Variants in CXCL13 observed in about 807,000 individuals in gnomAD.
CXCL13 encodes C-X-C motif chemokine ligand 13.
CXCL13 carries 7 observed loss-of-function variants against 12.2 expected under a neutral mutation model. The ratio of observed to expected loss-of-function variants is 0.57; its 90% confidence interval spans 0.33 to 1.07. The LOEUF is 1.07. Among genes scored for constraint, CXCL13 ranks in the 50% least tolerant of loss-of-function variants. CXCL13 has a pLI of 0.04. For synonymous variants in CXCL13, 47 were observed against 42.4 expected (o/e 1.11, Z -0.42); for missense variants, 113 against 127.4 (o/e 0.89, Z 0.55).
At chr4:77,551,775 G>A (rs1029135677) in intron 1 of CXCL13, among the ~76,000 whole-genome samples, 1 of 151,940 alleles carries the variant, frequency 6.6e-6, no homozygotes, top group Non-Finnish European at 1.5e-5. Context: ...CAAAGACTTT[G>A]TTTATTTTTT....
At chr4:77,521,281 A>G (rs1006925340) in intron 1 of CXCL13, among the ~76,000 whole-genome samples, 4 of 152,234 alleles carry the variant, frequency 2.6e-5, no homozygotes, top group African/African-American at 7.2e-5. Flanking sequence ...TAATGATTCC[A>G]GAAGGAATGG....
chr4:77,529,127 C>T (rs984646877), intron 1 of CXCL13, among the ~76,000 whole-genome samples: 3 of 152,134 alleles, frequency 2.0e-5, no homozygotes, highest in Non-Finnish European at 2.9e-5. Flanking sequence ...TGTTCTATTC[C>T]ATTGGTCTAT....
At chr4:77,597,241 G>C (rs568004252) in intron 1 of CXCL13, among the ~76,000 whole-genome samples, 72 of 152,222 alleles carry the variant, frequency 4.7e-4, no homozygotes, top group Non-Finnish European at 9.0e-4. Flanking sequence ...CTGATTATTA[G>C]ATTGAAGCTC....
intron 1 of CXCL13, 24 bp from the exon 2 acceptor site, chr4:77,607,678 TA>T: frequency 3.2e-6 from 5 of 1,584,798 alleles, no homozygotes; most frequent in Middle Eastern, 1.7e-4. Flanking sequence ...TGGATTAAAA[TA>T]ACTGATTCTG....
chr4:77,548,163 G>T (rs1725420139), intron 1 of CXCL13, among the ~76,000 whole-genome samples: 1 of 152,190 alleles, frequency 6.6e-6, no homozygotes, highest in Non-Finnish European at 1.5e-5. Context: ...GATGAAATAT[G>T]CTATTTAGAG....
chr4:77,520,899 T>A (rs1366511245), intron 1 of CXCL13, among the ~76,000 whole-genome samples: 1 of 152,190 alleles, frequency 6.6e-6, no homozygotes, highest in Non-Finnish European at 1.5e-5. Flanking sequence ...CATCAATATC[T>A]AGTTTATTGA....
intron 1 of CXCL13, among the ~76,000 whole-genome samples, chr4:77,519,250 A>C (rs1724512145): frequency 6.6e-6 from 1 of 152,048 alleles, no homozygotes; most frequent in African/African-American, 2.4e-5. Context: ...GGGGTCAGGG[A>C]CCCACTTGAG....
chr4:77,537,487 C>A (rs1725087937), intron 1 of CXCL13, among the ~76,000 whole-genome samples: 1 of 152,144 alleles, frequency 6.6e-6, no homozygotes, highest in Admixed American at 6.5e-5. Flanking sequence ...GGGTACAGAG[C>A]AAAGCAGAGA....
At chr4:77,557,158 G>T (rs1313610774) in intron 1 of CXCL13, among the ~76,000 whole-genome samples, 1 of 152,142 alleles carries the variant, frequency 6.6e-6, no homozygotes, top group Non-Finnish European at 1.5e-5. Context: ...AAATGTTGTT[G>T]ATTTATTCAT....
chr4:77,526,108 ATGT>A lies in CXCL13; in HGVS notation c.-43+14324_-43+14326del, dbSNP rs568702138. On this transcript the variant is annotated intron_variant, in intron 1 of 4. Coordinates refer to the CXCL13 transcript ENST00000286758. The stretch of plus-strand genomic sequence containing the variant: ...GAAGACTGCAGAAGGTAGCAGAAAG[ATGT>A]TGTATTAACTACCACAGCCTTAAAA... 4.2e-3 allele frequency among the ~76,000 whole-genome samples: 636 copies of A among 152,220 alleles called. 4 individuals are homozygous for A. Among genetic ancestry groups the A allele is most frequent in the Non-Finnish European group, 5.4e-3 (367 of 67,994 alleles).
At chr4:77,546,999 C>G (rs1257547228) in intron 1 of CXCL13, among the ~76,000 whole-genome samples, 1 of 152,164 alleles carries the variant, frequency 6.6e-6, no homozygotes, top group East Asian at 1.9e-4. Flanking sequence ...CATTATGTAC[C>G]CAGTAGTCAT....
intron 1 of CXCL13, among the ~76,000 whole-genome samples, chr4:77,555,424 A>G (rs1045555012): frequency 6.6e-6 from 1 of 152,086 alleles, no homozygotes; most frequent in Non-Finnish European, 1.5e-5. Flanking sequence ...TAAAAGTAGA[A>G]AAGATTTTTC....
intron 1 of CXCL13, among the ~76,000 whole-genome samples, chr4:77,536,185 T>A (rs927227209): frequency 3.9e-5 from 6 of 152,118 alleles, no homozygotes; most frequent in African/African-American, 1.4e-4. Context: ...CTGGCAAAAC[T>A]GGCAGATATC....
chr4:77,519,314 C>G (rs1724514767), intron 1 of CXCL13, among the ~76,000 whole-genome samples: 1 of 152,172 alleles, frequency 6.6e-6, no homozygotes, highest in African/African-American at 2.4e-5. Flanking sequence ...CCACTGTTCT[C>G]TTCAAAGCTC....
intron 1 of CXCL13, among the ~76,000 whole-genome samples, chr4:77,598,958 G>A (rs974420665): frequency 1.3e-5 from 2 of 152,064 alleles, no homozygotes; most frequent in Admixed American, 6.6e-5. Context: ...ACAGGCACCT[G>A]CCACTATGCC....
At chr4:77,581,506 T>TG (rs1310854466) in intron 1 of CXCL13, among the ~76,000 whole-genome samples, 1 of 152,210 alleles carries the variant, frequency 6.6e-6, no homozygotes, top group Non-Finnish European at 1.5e-5. Context: ...CAAGGGATCT[T>TG]GGGATCCCTT....
chr4:77,552,303 C>G (rs547373749), intron 1 of CXCL13, among the ~76,000 whole-genome samples: 1 of 152,030 alleles, frequency 6.6e-6, no homozygotes, highest in East Asian at 1.9e-4. Context: ...TTCCTTTCCC[C>G]GACTTCCTAG....
At chr4:77,576,751 G>T (rs561243610) in intron 1 of CXCL13, among the ~76,000 whole-genome samples, 1 of 152,108 alleles carries the variant, frequency 6.6e-6, no homozygotes, top group Non-Finnish European at 1.5e-5. Flanking sequence ...CAATCTAAAA[G>T]GCTTATGTAA....
At chr4:77,525,826 G>T (rs916737885) in intron 1 of CXCL13, among the ~76,000 whole-genome samples, 2 of 151,978 alleles carry the variant, frequency 1.3e-5, no homozygotes, top group African/African-American at 4.8e-5. Flanking sequence ...GGCCATGATG[G>T]TGTGAATTCC....
Sources: gnomAD v4.1 joint callset for allele counts (sites outside exome capture counted in the v4.1 genomes callset) on GRCh38, gnomAD v4.1.1 for gene constraint, MANE v1.5 for transcripts, NCBI Gene and HGNC (gene_info 2026-07-23, HGNC 2026-07-21) for gene names.